TP63: variants seen among roughly 807,000 people sequenced by gnomAD.
TP63 encodes tumor protein 63.
TP63 carries 17 observed loss-of-function variants against 82.8 expected under a neutral mutation model. The ratio of observed to expected loss-of-function variants is 0.21; its 90% CI spans 0.14 to 0.31. The LOEUF (loss-of-function observed/expected upper bound fraction) is 0.31, where lower values mean the gene tolerates loss of function less well. TP63 is among the 10% of genes least tolerant of loss of function. TP63 has a pLI of 1.00. For synonymous variants in TP63, 330 were observed against 321.7 expected (o/e 1.03, Z -0.28); for missense variants, 648 against 895.3 (o/e 0.72, Z 3.52).
intron 1 of TP63, among the ~76,000 whole-genome samples, chr3:189,637,306 A>G (rs566355639): frequency 1.9e-3 from 291 of 152,234 alleles, no homozygotes; most frequent in African/African-American, 6.6e-3. Context: ...AACATTTTTC[A>G]TGACCTGCTG....
At chr3:189,622,755 C>T in the TP63 span, among the ~76,000 whole-genome samples, 1 of 152,136 alleles carries the variant, frequency 6.6e-6, no homozygotes, top group South Asian at 2.1e-4. Context: ...GTTATTTCAT[C>T]GTGTGATTGT....
chr3:189,887,201 T>G (rs866062319), intron 11 of TP63, among the ~76,000 whole-genome samples: 45 of 141,284 alleles, frequency 3.2e-4, no homozygotes, highest in African/African-American at 1.2e-3. Flanking sequence ...AGAGTGAGAC[T>G]CAGTCTCAAA....
chr3:189,816,178 G>A (rs1203351928), intron 4 of TP63, among the ~76,000 whole-genome samples: 1 of 152,176 alleles, frequency 6.6e-6, no homozygotes, highest in Non-Finnish European at 1.5e-5. Context: ...GGCACATAGT[G>A]TGCCAGAACA....
intron 1 of TP63, among the ~76,000 whole-genome samples, chr3:189,675,075 CG>C (rs2108680295): frequency 6.6e-6 from 1 of 152,240 alleles, no homozygotes; most frequent in East Asian, 1.9e-4. Context: ...GGCACTAGCA[CG>C]TTTGGTGTCC....
At chr3:189,720,073 C>T (rs1719265691) in intron 1 of TP63, among the ~76,000 whole-genome samples, 1 of 152,164 alleles carries the variant, frequency 6.6e-6, no homozygotes, top group African/African-American at 2.4e-5. Flanking sequence ...TCTGCCAAAC[C>T]CTGTCTCAAA....
At chr3:189,793,831 C>A (rs550631852) in intron 3 of TP63, among the ~76,000 whole-genome samples, 1 of 152,094 alleles carries the variant, frequency 6.6e-6, no homozygotes, top group Non-Finnish European at 1.5e-5. Flanking sequence ...CCCAAGTGGG[C>A]GCTCAATTTT....
intron 1 of TP63, among the ~76,000 whole-genome samples, chr3:189,734,983 C>G (rs998795330): frequency 6.6e-6 from 1 of 152,128 alleles, no homozygotes; most frequent in Non-Finnish European, 1.5e-5. Context: ...TTGCACACCC[C>G]CATTTACTCC....
chr3:189,599,753 AC>A, the TP63 span, among the ~76,000 whole-genome samples: 1 of 152,174 alleles, frequency 6.6e-6, no homozygotes, highest in South Asian at 2.1e-4. Flanking sequence ...TACAGAGAAC[AC>A]CCTCATATCA....
intron 1 of TP63, among the ~76,000 whole-genome samples, chr3:189,686,731 G>GT (rs35520871): frequency 0.092 from 10,533 of 114,192 alleles, 613 homozygotes; most frequent in East Asian, 0.22. Context: ...CAGGGGCAGG[G>GT]TTTTTTTTTT....
At chr3:189,665,965 A>G (rs911988268) in intron 1 of TP63, among the ~76,000 whole-genome samples, 1 of 152,108 alleles carries the variant, frequency 6.6e-6, no homozygotes, top group Non-Finnish European at 1.5e-5. Context: ...AAGTGTAAGC[A>G]CTGCAAATAT....
At position 189,632,713 on chromosome 3, in the gene TP63, G is replaced by A. The variant is rs78610554; in HGVS notation, c.62+1136G>A. Among the ~76,000 whole-genome samples the A allele has an allele frequency of 3.5e-4, 54 of 152,186 alleles. 1 individual carries two copies. In the East Asian group the frequency reaches 9.7e-3, roughly 27 times the overall value. ...GAATTTGTTGGTGGTGGCTTGATTC[G>A]TGTCTTGCTGTTTACCACAAACAAC... is the stretch of plus-strand genomic sequence containing the variant. On this transcript the variant is annotated intron_variant, in intron 1 of 13. Coordinates refer to ENST00000264731, the MANE Select transcript of TP63 (RefSeq NM_003722.5).
chr3:189,850,804 A>G (rs1715530493), intron 4 of TP63, among the ~76,000 whole-genome samples: 1 of 152,210 alleles, frequency 6.6e-6, no homozygotes, highest in Admixed American at 6.5e-5. Context: ...TTAAAAATGT[A>G]TGGGAGTAAA....
upstream of TP63, among the ~76,000 whole-genome samples, chr3:189,628,363 G>A (rs1260251568): frequency 6.6e-6 from 1 of 152,080 alleles, no homozygotes; most frequent in Non-Finnish European, 1.5e-5. Flanking sequence ...ATGAAGGGGA[G>A]CAGTTGTAAA....
chr3:189,659,263 C>G (rs773368768), intron 1 of TP63, among the ~76,000 whole-genome samples: 1 of 151,788 alleles, frequency 6.6e-6, no homozygotes, highest in African/African-American at 2.4e-5. Context: ...TTTATGTCCC[C>G]GTATACCCAA....
chr3:189,648,896 T>A (rs1352923268), intron 1 of TP63, among the ~76,000 whole-genome samples: 2 of 147,262 alleles, frequency 1.4e-5, no homozygotes, highest in African/African-American at 5.1e-5. Context: ...GTTAGAGTGT[T>A]AATGACTTGC....
At chr3:189,880,813 T>G in intron 10 of TP63, 1 of 985,422 alleles carries the variant, frequency 1.0e-6, no homozygotes, top group Non-Finnish European at 1.2e-6. Context: ...ATTATTTGTG[T>G]CCTCCCCTCA....
chr3:189,628,041 A>G (rs117901860), upstream of TP63, among the ~76,000 whole-genome samples: 1,214 of 152,274 alleles, frequency 8.0e-3, 12 homozygotes, highest in East Asian at 0.045. Context: ...ACAGAGATGA[A>G]TTAGAATAGC....
At chr3:189,709,331 T>G (rs564175884) in intron 1 of TP63, among the ~76,000 whole-genome samples, 1 of 152,318 alleles carries the variant, frequency 6.6e-6, no homozygotes, top group South Asian at 2.1e-4. Flanking sequence ...TTAATAAATT[T>G]GTTATAGCTT....
At chr3:189,741,430 T>C (rs1463523546) in intron 3 of TP63, among the ~76,000 whole-genome samples, 1 of 125,174 alleles carries the variant, frequency 8.0e-6, no homozygotes, top group Non-Finnish European at 1.8e-5. Context: ...ATTCTTAGTC[T>C]TTCTGAACTG....
Sources: allele counts gnomAD v4.1 joint callset (sites outside exome capture counted in the v4.1 genomes callset), GRCh38; gene constraint gnomAD v4.1.1; transcripts MANE v1.5; gene names NCBI Gene and HGNC (gene_info 2026-07-23, HGNC 2026-07-21).